Variants in MAPK14 observed in about 807,000 individuals in gnomAD.
The protein encoded by MAPK14 is CSAID-binding protein.
In MAPK14, 16 loss-of-function variants were observed where a neutral mutation model predicts 49.6. The ratio of observed to expected loss-of-function variants is 0.32; its 90% confidence interval spans 0.22 to 0.49. MAPK14 has a LOEUF of 0.49. MAPK14 is among the 20% of genes least tolerant of loss of function. The probability of loss-of-function intolerance (pLI) is 0.99; values close to 1 mark genes in which losing one functional copy is unlikely to be tolerated. For missense variants in MAPK14, 200 were observed against 441.2 expected, an observed-to-expected ratio of 0.45 and a Z score of 4.90; for synonymous variants, 142 against 158.0, an observed-to-expected ratio of 0.90 and a Z score of 0.76.
downstream of MAPK14, among the ~76,000 whole-genome samples, chr6:36,111,557 GT>G (rs1765973049): frequency 6.6e-6 from 1 of 152,172 alleles, no homozygotes; most frequent in Admixed American, 6.5e-5. Context: ...TTATGACTCT[GT>G]TTTGTCTTAG....
intron 10 of MAPK14, among the ~76,000 whole-genome samples, chr6:36,103,119 T>G (rs1452057570): frequency 2.0e-5 from 3 of 152,092 alleles, no homozygotes; most frequent in African/African-American, 7.2e-5. Context: ...TCCTGTCGTC[T>G]TCCACACTCA....
intron 9 of MAPK14, chr6:36,096,458 C>G (rs1254122261): frequency 5.9e-6 from 1 of 168,282 alleles, no homozygotes; most frequent in Non-Finnish European, 1.3e-5. Flanking sequence ...TTCACTGTTT[C>G]TAGTGTTTGT....
chr6:36,052,789 C>T lies in MAPK14; in HGVS notation c.207C>T (p.Tyr69=), dbSNP rs1469340250. Residue 69 remains tyrosine, a synonymous_variant, in exon 2 of 12, where the codon TAC becomes TAT. Coordinates refer to ENST00000229794, the MANE Select transcript of MAPK14 (RefSeq NM_139012.3). ...CCATCATTCATGCGAAAAGAACCTACAGAGAACTGCGGTTACTTAAACATA... is the reference window on the plus strand; with the variant it reads ...CCATCATTCATGCGAAAAGAACCTATAGAGAACTGCGGTTACTTAAACATA... ...FQSIIHAKRT[Y]RELRLLKHMK... 18 of 1,611,732 alleles carry T rather than the reference C, an allele frequency of 1.1e-5. No individual in the cohort carries two copies. Among genetic ancestry groups the T allele is most frequent in the Non-Finnish European group, 1.4e-5 (17 of 1,178,648 alleles).
the MAPK14 span, among the ~76,000 whole-genome samples, chr6:36,120,781 A>G: frequency 6.6e-6 from 1 of 152,138 alleles, no homozygotes; most frequent in Non-Finnish European, 1.5e-5. Context: ...CTAGGGTAGG[A>G]GCTTCTCAAG....
At chr6:36,116,356 C>T in the MAPK14 span, among the ~76,000 whole-genome samples, 1 of 149,540 alleles carries the variant, frequency 6.7e-6, no homozygotes, top group Non-Finnish European at 1.5e-5. Context: ...TTTTTTTGGA[C>T]AGGGTCTCAG....
intron 1 of MAPK14, among the ~76,000 whole-genome samples, chr6:36,050,028 G>A (rs116547067): frequency 3.9e-5 from 6 of 152,280 alleles, no homozygotes; most frequent in African/African-American, 7.2e-5. Flanking sequence ...GATCATTTTC[G>A]AGTAGGAAAA....
chr6:36,119,891 G>A, the MAPK14 span, among the ~76,000 whole-genome samples: 2 of 152,168 alleles, frequency 1.3e-5, no homozygotes, highest in Non-Finnish European at 2.9e-5. Context: ...GCTGCAAAAC[G>A]ATCTATCTGG....
chr6:36,064,218 T>C (rs1763946751), intron 3 of MAPK14, among the ~76,000 whole-genome samples: 1 of 150,474 alleles, frequency 6.6e-6, no homozygotes, highest in Non-Finnish European at 1.5e-5. Context: ...ACTCAAGCAA[T>C]CCCCCAACCT....
At chr6:36,102,497 C>T in intron 9 of MAPK14, 74 bp from the exon 10 acceptor site, 1 of 1,135,212 alleles carries the variant, frequency 8.8e-7, no homozygotes, top group South Asian at 1.3e-5. Flanking sequence ...CGTTCCTTAG[C>T]AGGACCAAGA....
intron 3 of MAPK14, among the ~76,000 whole-genome samples, chr6:36,061,435 C>A (rs1346781913): frequency 6.6e-6 from 1 of 152,238 alleles, no homozygotes; most frequent in African/African-American, 2.4e-5. Context: ...AACTACAAAT[C>A]TACCTTTGAA....
At chr6:36,049,889 A>T (rs936383854) in intron 1 of MAPK14, among the ~76,000 whole-genome samples, 1 of 152,162 alleles carries the variant, frequency 6.6e-6, no homozygotes, top group Non-Finnish European at 1.5e-5. Flanking sequence ...GGTGGAGACG[A>T]TGGGTTTATA....
intron 8 of MAPK14, among the ~76,000 whole-genome samples, chr6:36,094,763 T>C (rs1483395225): frequency 6.6e-6 from 1 of 152,184 alleles, no homozygotes; most frequent in East Asian, 1.9e-4. Context: ...CGTAGAGCTG[T>C]AGACCAGTAC....
chr6:36,096,167 C>G (rs564121497), intron 9 of MAPK14, 101 bp downstream of exon 9: 6 of 788,160 alleles, frequency 7.6e-6, no homozygotes, highest in African/African-American at 1.7e-5. Context: ...AGCACACATG[C>G]CCTTTGTGTG....
At chr6:36,089,836 C>T (rs1765146178) in intron 8 of MAPK14, among the ~76,000 whole-genome samples, 2 of 152,202 alleles carry the variant, frequency 1.3e-5, no homozygotes, top group Admixed American at 1.3e-4. Flanking sequence ...GAATAAGCCA[C>T]TTTGAAAATT....
At position 36,108,387 on chromosome 6, in the gene MAPK14, C is replaced by G. The variant is rs191745915; in HGVS notation, c.1023C>G (p.Thr341=). The change falls in exon 12 of 12, where the codon ACC becomes ACG. Residue 341 remains threonine, a synonymous_variant. Transcript: ENST00000229794. ...TTCCTTCCCAATTTCTAGGCCTGAC[C>G]TATGATGAAGTCATCAGCTTTGTGC... ...DLLIDEWKSL[T]YDEVISFVPP... The G allele has an allele frequency of 5.9e-5, 96 of 1,613,580 alleles. No homozygotes were observed. The highest frequency in any genetic ancestry group is 7.9e-5 in the Non-Finnish European group (93 of 1,179,536).
At chr6:36,044,959 C>T (rs1763114384) in intron 1 of MAPK14, among the ~76,000 whole-genome samples, 1 of 151,924 alleles carries the variant, frequency 6.6e-6, no homozygotes, top group Admixed American at 6.6e-5. Context: ...ATAGTGGGAC[C>T]CTGTGTCTAC....
chr6:36,118,260 G>T, the MAPK14 span, among the ~76,000 whole-genome samples: 8 of 152,318 alleles, frequency 5.3e-5, no homozygotes, highest in East Asian at 5.8e-4. Context: ...AAGGCATTAT[G>T]GTGTCTTGCA....
intron 8 of MAPK14, among the ~76,000 whole-genome samples, chr6:36,087,128 T>A (rs1022375410): frequency 6.6e-6 from 1 of 152,136 alleles, no homozygotes; most frequent in African/African-American, 2.4e-5. Flanking sequence ...GTAAACTAGG[T>A]GTTGATGGAA....
intron 3 of MAPK14, among the ~76,000 whole-genome samples, chr6:36,072,029 G>A (rs1487650932): frequency 6.6e-6 from 1 of 152,092 alleles, no homozygotes; most frequent in Non-Finnish European, 1.5e-5. Flanking sequence ...GATATGTCAA[G>A]TAGGAATAAG....
Sources: gnomAD v4.1 joint callset for allele counts (sites outside exome capture counted in the v4.1 genomes callset) on GRCh38, gnomAD v4.1.1 for gene constraint, MANE v1.5 for transcripts, NCBI Gene and HGNC (gene_info 2026-07-23, HGNC 2026-07-21) for gene names.